The following GRID2 variants were observed in gnomAD, a reference collection of about 807,000 sequenced individuals.
GRID2 encodes the protein glutamate receptor ionotropic, delta-2.
A neutral mutation model predicts 114.8 loss-of-function variants in GRID2; 33 were observed. The observed-to-expected ratio is 0.29, with a 90% CI of 0.22 to 0.38. The LOEUF (loss-of-function observed/expected upper bound fraction) is 0.38, where lower values mean the gene tolerates loss of function less well. Ranked by LOEUF, GRID2 falls within the 10% of genes least tolerant of loss-of-function variation. GRID2 has a pLI of 1.00. For missense variants in GRID2, 1,184 were observed against 1,257.7 expected, an observed-to-expected ratio of 0.94 and a Z score of 0.89; for synonymous variants, 505 against 449.9, an observed-to-expected ratio of 1.12 and a Z score of -1.55.
At chr4:92,860,464 T>C (rs1417678627) in intron 2 of GRID2, among the ~76,000 whole-genome samples, 1 of 152,096 alleles carries the variant, frequency 6.6e-6, no homozygotes, top group African/African-American at 2.4e-5. Context: ...AAAGGCAGAG[T>C]TTTGCTATTA....
At chr4:93,770,696 A>G (rs922000436) in intron 15 of GRID2, among the ~76,000 whole-genome samples, 2 of 152,182 alleles carry the variant, frequency 1.3e-5, no homozygotes, top group Non-Finnish European at 2.9e-5. Flanking sequence ...CATTGATTCA[A>G]TGCAAAAGAC....
chr4:92,763,584 C>A (rs184304820), intron 2 of GRID2, among the ~76,000 whole-genome samples: 1 of 152,246 alleles, frequency 6.6e-6, no homozygotes, highest in African/African-American at 2.4e-5. Flanking sequence ...AGGTTATATG[C>A]AAATACTATG....
At chr4:92,922,041 C>A (rs920879838) in intron 2 of GRID2, among the ~76,000 whole-genome samples, 1 of 152,202 alleles carries the variant, frequency 6.6e-6, no homozygotes, top group African/African-American at 2.4e-5. Flanking sequence ...CAAGCCTGGG[C>A]AATTGTGGGA....
At chr4:92,531,783 TCA>T (rs1403692068) in intron 1 of GRID2, among the ~76,000 whole-genome samples, 2 of 143,238 alleles carry the variant, frequency 1.4e-5, no homozygotes, top group African/African-American at 4.9e-5. Context: ...TTGATAATTC[TCA>T]GTTTTTTTTC....
chr4:93,454,563 C>G (rs188929725), intron 10 of GRID2, among the ~76,000 whole-genome samples: 36 of 152,116 alleles, frequency 2.4e-4, no homozygotes, highest in African/African-American at 7.2e-4. Flanking sequence ...TCGGTACACA[C>G]AGACATACAA....
At chr4:93,026,324 C>A (rs907126003) in intron 2 of GRID2, among the ~76,000 whole-genome samples, 1 of 151,792 alleles carries the variant, frequency 6.6e-6, no homozygotes, top group Admixed American at 6.6e-5. Context: ...TTTGGCCTCA[C>A]ACAATACTCT....
chr4:92,598,851 G>A (rs183220380), intron 2 of GRID2, among the ~76,000 whole-genome samples: 109 of 151,984 alleles, frequency 7.2e-4, no homozygotes, highest in Admixed American at 6.0e-3. Flanking sequence ...GTTTTCACCC[G>A]TTTCCAATAT....
intron 2 of GRID2, among the ~76,000 whole-genome samples, chr4:92,645,854 T>TCTC (rs138312076): frequency 0.017 from 2,637 of 151,950 alleles, 79 homozygotes; most frequent in African/African-American, 0.061. Context: ...GTTTTTCCTG[T>TCTC]CTCCTGTTGA....
chr4:93,636,236 C>G (rs1721398483), intron 14 of GRID2, among the ~76,000 whole-genome samples: 1 of 152,088 alleles, frequency 6.6e-6, no homozygotes, highest in Non-Finnish European at 1.5e-5. Flanking sequence ...AGCAGCAAGT[C>G]TGATTAGCCT....
At chr4:92,549,836 A>ATGAC (rs1726486075) in intron 1 of GRID2, among the ~76,000 whole-genome samples, 1 of 152,178 alleles carries the variant, frequency 6.6e-6, no homozygotes, top group South Asian at 2.1e-4. Context: ...CATAATCTAT[A>ATGAC]TGACTATATG....
At chr4:93,698,194 G>A (rs576907693) in intron 14 of GRID2, among the ~76,000 whole-genome samples, 38 of 151,820 alleles carry the variant, frequency 2.5e-4, no homozygotes, top group African/African-American at 8.2e-4. Context: ...TATAGAAATC[G>A]CTGTGAATTC....
At chr4:92,432,774 G>A (rs1001408906) in intron 1 of GRID2, among the ~76,000 whole-genome samples, 12 of 151,926 alleles carry the variant, frequency 7.9e-5, no homozygotes, top group Non-Finnish European at 1.3e-4. Flanking sequence ...TCAATATAAA[G>A]TCCCCTTTAC....
At chr4:93,098,286 A>G (rs762404836) in intron 3 of GRID2, among the ~76,000 whole-genome samples, 16 of 152,118 alleles carry the variant, frequency 1.1e-4, no homozygotes, top group East Asian at 7.7e-4. Context: ...TTAACATGCT[A>G]GTCATGATTT....
At chr4:92,740,903 T>C (rs1452349051) in intron 2 of GRID2, among the ~76,000 whole-genome samples, 2 of 152,108 alleles carry the variant, frequency 1.3e-5, no homozygotes, top group Non-Finnish European at 2.9e-5. Flanking sequence ...CCTGCCACCA[T>C]GCCTGACTTA....
intron 1 of GRID2, among the ~76,000 whole-genome samples, chr4:92,539,510 GT>G (rs1441853282): frequency 2.0e-5 from 3 of 151,636 alleles, no homozygotes; most frequent in East Asian, 1.9e-4. Flanking sequence ...ACTTTTGGCT[GT>G]TTTTTTGGTA....
intron 4 of GRID2, among the ~76,000 whole-genome samples, chr4:93,131,876 A>G (rs1734836645): frequency 6.6e-6 from 1 of 152,172 alleles, no homozygotes; most frequent in Non-Finnish European, 1.5e-5. Flanking sequence ...CTAGCACTAT[A>G]GAGCCGTTAT....
chr4:93,703,678 A>C (rs1437141024), intron 14 of GRID2, among the ~76,000 whole-genome samples: 146 of 118,086 alleles, frequency 1.2e-3, no homozygotes, highest in Admixed American at 1.6e-3. Context: ...CCAGTGTGTG[A>C]TGTTCCCCTT....
intron 1 of GRID2, among the ~76,000 whole-genome samples, chr4:92,442,889 A>G (rs1229626473): frequency 2.0e-5 from 3 of 152,030 alleles, no homozygotes; most frequent in Non-Finnish European, 4.4e-5. Context: ...CAGGAGGGGG[A>G]GGGCTAGTCA....
chr4:93,201,919 AT>A lies in GRID2; in HGVS notation c.736-5474del, dbSNP rs373571911. ...TTGCTTGTCTTCCTGACAGGACTTG[AT>A]TTTTTTTTTTCCTTTTTTGCTCAAT... On this transcript the variant is annotated intron_variant, in intron 4 of 15. Transcript: ENST00000282020. Among the ~76,000 whole-genome samples the A allele has an allele frequency of 9.3e-3, 1,368 of 147,434 alleles. 18 individuals are homozygous for A. Among genetic ancestry groups the A allele is most frequent in the African/African-American group, 0.031 (1,261 of 40,376 alleles).
Sources: allele counts gnomAD v4.1 joint callset (sites outside exome capture counted in the v4.1 genomes callset), GRCh38; gene constraint gnomAD v4.1.1; transcripts MANE v1.5; gene names NCBI Gene and HGNC (gene_info 2026-07-23, HGNC 2026-07-21).